SKOR2: variants seen among roughly 807,000 people sequenced by gnomAD.
The protein encoded by SKOR2 is LBX1 corepressor 1-like protein.
A neutral mutation model predicts 69.1 loss-of-function variants in SKOR2; 47 were observed. That is an observed-to-expected ratio of 0.68 (90% confidence interval 0.54 to 0.87). SKOR2 has a LOEUF of 0.87. Ranked by LOEUF, SKOR2 falls within the 40% of genes least tolerant of loss-of-function variation. The pLI is 0.00. For missense variants in SKOR2, 1,404 were observed against 1,472.2 expected (o/e 0.95, Z 0.76); for synonymous variants, 717 against 672.6 (o/e 1.07, Z -1.02).
At chr18:47,230,751 TAC>T (rs1319731863) in intron 5 of SKOR2, among the ~76,000 whole-genome samples, 182 bp downstream of exon 5, 1 of 152,242 alleles carries the variant, frequency 6.6e-6, no homozygotes, top group African/African-American at 2.4e-5. Flanking sequence ...AGTATTATAT[TAC>T]AGTGTCATGT....
intron 1 of SKOR2, 113 bp from the exon 2 acceptor site, chr18:47,249,343 G>T (rs554823760): frequency 9.8e-7 from 1 of 1,021,232 alleles, no homozygotes; most frequent in South Asian, 1.7e-5. Context: ...GTTAAGACAC[G>T]ATTATTACTG....
At chr18:47,232,936 G>A (rs1331575858) in intron 4 of SKOR2, among the ~76,000 whole-genome samples, 1 of 152,170 alleles carries the variant, frequency 6.6e-6, no homozygotes, top group Non-Finnish European at 1.5e-5. Flanking sequence ...TCTCCCTGAA[G>A]TGCTGACCTA....
chr18:47,247,447 A>G lies in SKOR2; in HGVS notation c.1737T>C (p.Ser579=), dbSNP rs1027171140. The change falls in exon 2 of 9, where the codon TCT becomes TCC. Residue 579 remains serine (S), a synonymous_variant. Coordinates refer to ENST00000425639, the MANE Select transcript of SKOR2 (RefSeq NM_001278063.4). This position sits in a 1 kb window ranked among gnomAD's most constrained non-coding sequence, Gnocchi z 6.6. ...CGGCCCCTGCCCCGGCAGCTGCCAC[A>G]GAGTCCGCGGGCGGCGTGGAGCCCG... ...CSAGSTPPAD[S]VAAAGAGAAA... The G allele has an allele frequency of 3.2e-6, 4 of 1,261,140 alleles. No homozygotes were observed. The highest frequency in any genetic ancestry group is 8.6e-5 in the Admixed American group (2 of 23,270). 78.1% of individuals were successfully genotyped at this position (1,261,140 alleles called of 1,614,324 possible).
chr18:47,239,894 G>A (rs529974000), intron 4 of SKOR2, among the ~76,000 whole-genome samples: 3 of 152,068 alleles, frequency 2.0e-5, no homozygotes, highest in Admixed American at 6.6e-5. Flanking sequence ...TAGTTTAAGG[G>A]TTTACCTAAT....
At chr18:47,223,034 A>G (rs2064166805) in intron 6 of SKOR2, among the ~76,000 whole-genome samples, 1 of 152,264 alleles carries the variant, frequency 6.6e-6, no homozygotes. Flanking sequence ...TTGATCAGAC[A>G]GAAATTTAAA....
chr18:47,211,987 C>T (rs1466384844), intron 8 of SKOR2, 99 bp downstream of exon 8: 1 of 1,124,270 alleles, frequency 8.9e-7, no homozygotes, highest in African/African-American at 1.6e-5. Context: ...TGCAACTTTA[C>T]CAATCCCTTG....
chr18:47,227,594 G>C (rs549275750), intron 6 of SKOR2, among the ~76,000 whole-genome samples: 3 of 152,218 alleles, frequency 2.0e-5, no homozygotes, highest in East Asian at 3.9e-4. Flanking sequence ...GCCTCCCAAA[G>C]TGCTAGGATT....
chr18:47,211,292 C>CT (rs1350142099), intron 8 of SKOR2, among the ~76,000 whole-genome samples: 4 of 152,156 alleles, frequency 2.6e-5, no homozygotes, highest in Non-Finnish European at 4.4e-5. Flanking sequence ...CTAACAAATG[C>CT]TACCTTTTGC....
At position 47,248,107 on chromosome 18, in the gene SKOR2, G is replaced by T; in HGVS notation, c.1077C>A (p.Gly359=). 7.4e-7 allele frequency: 1 copy of T among 1,343,346 alleles called. No individual in the cohort carries two copies. The highest frequency in any genetic ancestry group is 3.6e-5 in the Admixed American group (1 of 28,144). The allele number at this position is 1,343,346 out of a possible 1,614,324, so 83.2% of individuals were successfully genotyped here. A position where few individuals can be genotyped will look rare whatever the true frequency, so the allele number is the denominator to read the frequency against. Residue 359 remains glycine, a synonymous_variant, in exon 2 of 9, where the codon GGC becomes GGA. Coordinates refer to ENST00000425639, the MANE Select transcript of SKOR2 (RefSeq NM_001278063.4). This position sits in a 1 kb window ranked among gnomAD's most constrained non-coding sequence, Gnocchi z 6.4. The part of the protein sequence containing the change: ...GGGAGGGCVA[G]VGVGAGAGAG... ...CCCCCGCGCCCGCGCCCACGCCCACGCCGGCCACACAGCCACCCCCAGCGC... is the reference window on the plus strand; with the variant it reads ...CCCCCGCGCCCGCGCCCACGCCCACTCCGGCCACACAGCCACCCCCAGCGC...
At chr18:47,220,960 C>A (rs189356402) in intron 6 of SKOR2, among the ~76,000 whole-genome samples, 3 of 152,238 alleles carry the variant, frequency 2.0e-5, no homozygotes, top group East Asian at 3.9e-4. Context: ...CCCCTCTTTG[C>A]CATTGTTACC....
intron 8 of SKOR2, among the ~76,000 whole-genome samples, chr18:47,211,255 G>A (rs2064126957): frequency 6.6e-6 from 1 of 152,292 alleles, no homozygotes; most frequent in South Asian, 2.1e-4. Flanking sequence ...ACTGATAAAT[G>A]GCTGCGGTCC....
At chr18:47,243,632 T>C (rs540803889) in intron 4 of SKOR2, among the ~76,000 whole-genome samples, 2 of 152,312 alleles carry the variant, frequency 1.3e-5, no homozygotes, top group South Asian at 2.1e-4. Context: ...CTGGAAAATA[T>C]CATTGCCTTT....
At chr18:47,216,003 C>A (rs894083770) in intron 7 of SKOR2, among the ~76,000 whole-genome samples, 3 of 152,206 alleles carry the variant, frequency 2.0e-5, no homozygotes, top group African/African-American at 7.2e-5. Context: ...ATCACAGTCT[C>A]AGCTCATGTT....
Position 47,247,321 on chromosome 18 carries a change from G to C in SKOR2, c.1863C>G (p.Ser621=), listed in dbSNP as rs1417337960. Residue 621 remains serine (S), a synonymous_variant, in exon 2 of 9, where the codon TCC becomes TCG. Coordinates refer to ENST00000425639, the MANE Select transcript of SKOR2 (RefSeq NM_001278063.4). The surrounding 1 kb of genome is among the most constrained non-coding windows in gnomAD (Gnocchi z 6.6). The part of the protein sequence containing the change: ...RKAGGGSYHH[S]SAFRPVGGKD... ...TGCCGCCCACTGGCCGGAAGGCGCT[G>C]GAATGGTGGTAGCTGCCACCGCCCG... 2 of 1,480,968 alleles carry C rather than the reference G, an allele frequency of 1.4e-6. No individual in the cohort carries two copies. Among genetic ancestry groups the C allele is most frequent in the Non-Finnish European group, 1.8e-6 (2 of 1,121,942 alleles). The allele number at this position is 1,480,968 out of a possible 1,614,324, so 91.7% of individuals were successfully genotyped here. A position where few individuals can be genotyped will look rare whatever the true frequency, so the allele number is the denominator to read the frequency against.
chr18:47,219,879 T>C (rs2064155717), intron 7 of SKOR2, 64 bp downstream of exon 7: 1 of 1,383,384 alleles, frequency 7.2e-7, no homozygotes, highest in African/African-American at 1.4e-5. Context: ...GTTTCATACA[T>C]ATTGGGTAGT....
rs1414504174 is a variant in SKOR2 at position 47,246,849 on chromosome 18, C to T, written c.2335G>A (p.Asp779Asn). 2 of 1,482,088 alleles carry T rather than the reference C, an allele frequency of 1.3e-6. No homozygotes were observed. Among genetic ancestry groups the T allele is most frequent in the Admixed American group, 2.2e-5 (1 of 45,334 alleles). The allele number at this position is 1,482,088 out of a possible 1,614,324, so 91.8% of individuals were successfully genotyped here. ...EDEETEVLLG[D>N]PLVGGGRFLQ... The stretch of plus-strand genomic sequence containing the variant: ...AACCGGCCGCCCCCGACTAAGGGGT[C>T]GCCGAGTAGGACCTCCGTCTCCTCG... Residue 779 changes from aspartate (D) to asparagine (N), a missense_variant, in exon 2 of 9, where the codon GAC (aspartate) becomes AAC (asparagine). Asp to Asn is a conservative substitution (Grantham distance 23). Around this residue, in one of 3 missense-constraint regions of SKOR2, gnomAD observed 1,266 missense variants for 1,309.9 expected, o/e 0.97. Transcript: ENST00000425639.
At chr18:47,224,199 G>A (rs1285439331) in intron 6 of SKOR2, among the ~76,000 whole-genome samples, 1 of 151,964 alleles carries the variant, frequency 6.6e-6, no homozygotes, top group Non-Finnish European at 1.5e-5. Flanking sequence ...GAGCCACCAC[G>A]CCCGACCATA....
At chr18:47,249,318 A>G in intron 1 of SKOR2, 88 bp from the exon 2 acceptor site, 1 of 1,221,706 alleles carries the variant, frequency 8.2e-7, no homozygotes, top group South Asian at 1.6e-5. Flanking sequence ...GAATTAGAAT[A>G]ACTTTCTTGC....
At position 47,247,765 on chromosome 18, in the gene SKOR2, C is replaced by G. The variant is rs1277447631; in HGVS notation, c.1419G>C (p.Pro473=). ...GCACCGGGAGCCCGCCAGGGGTCCGCGGCGGCCAGAACATGCAGAAGGGCG... is the reference window on the plus strand; with the variant it reads ...GCACCGGGAGCCCGCCAGGGGTCCGGGGCGGCCAGAACATGCAGAAGGGCG... The part of the protein sequence containing the change: ...FYPPFCMFWP[P]RTPGGLPVPT... Residue 473 remains proline, a synonymous_variant, in exon 2 of 9, where the codon CCG becomes CCC. Coordinates refer to ENST00000425639, the MANE Select transcript of SKOR2 (RefSeq NM_001278063.4). The surrounding 1 kb of genome is among the most constrained non-coding windows in gnomAD (Gnocchi z 6.6). 1 of 1,382,546 alleles carries G rather than the reference C, an allele frequency of 7.2e-7. No individual in the cohort carries two copies. The highest frequency in any genetic ancestry group is 9.3e-7 in the Non-Finnish European group (1 of 1,077,582). 85.6% of individuals were successfully genotyped at this position (1,382,546 alleles called of 1,614,324 possible). A position where few individuals can be genotyped will look rare whatever the true frequency, so the allele number is the denominator to read the frequency against.
Sources: allele counts gnomAD v4.1 joint callset (sites outside exome capture counted in the v4.1 genomes callset), GRCh38; gene constraint gnomAD v4.1.1; regional missense constraint gnomAD v4.1.1; non-coding constraint Gnocchi (gnomAD v3.1); transcripts MANE v1.5; gene names NCBI Gene and HGNC (gene_info 2026-07-23, HGNC 2026-07-21).